The following RGS8 variants were observed in gnomAD, a reference collection of about 807,000 sequenced individuals.
RGS8 encodes regulator of G-protein signaling 8.
In RGS8, 8 loss-of-function variants were observed where a neutral mutation model predicts 21.7. That is an observed-to-expected ratio of 0.37 (90% CI 0.22 to 0.66). RGS8 has a LOEUF of 0.66. Ranked by LOEUF, RGS8 falls within the 30% of genes least tolerant of loss-of-function variation. The probability of loss-of-function intolerance (pLI) is 0.59; values close to 1 mark genes in which losing one functional copy is unlikely to be tolerated. For missense variants in RGS8, 157 were observed against 217.9 expected (o/e 0.72, Z 1.76); for synonymous variants, 80 against 83.6 (o/e 0.96, Z 0.24).
chr1:182,740,573 TA>T, the RGS8 span, among the ~76,000 whole-genome samples: 80 of 87,176 alleles, frequency 9.2e-4, no homozygotes, highest in Non-Finnish European at 9.9e-4. Flanking sequence ...TTTTTTTTTT[TA>T]TTGATCATTC....
At chr1:182,692,153 G>A in the RGS8 span, among the ~76,000 whole-genome samples, 1 of 151,846 alleles carries the variant, frequency 6.6e-6, no homozygotes, top group African/African-American at 2.4e-5. Flanking sequence ...TTACAGGCAC[G>A]TGCCACCACA....
At chr1:182,748,884 T>C in the RGS8 span, among the ~76,000 whole-genome samples, 4 of 152,214 alleles carry the variant, frequency 2.6e-5, 1 homozygote, top group South Asian at 8.3e-4. Context: ...ATATACCTGC[T>C]GGCCATTGTA....
chr1:182,723,915 T>C, the RGS8 span, among the ~76,000 whole-genome samples: 1 of 151,896 alleles, frequency 6.6e-6, no homozygotes, highest in Non-Finnish European at 1.5e-5. Flanking sequence ...AATTTGAAAA[T>C]CGGGCAGCCC....
chr1:182,667,163 A>C (rs971052910), intron 3 of RGS8, among the ~76,000 whole-genome samples, 190 bp from the exon 5 acceptor site: 7 of 152,160 alleles, frequency 4.6e-5, no homozygotes, highest in African/African-American at 1.7e-4. Flanking sequence ...TAGGTACCCT[A>C]ACCGACCCCC....
intron 5 of RGS8, 98 bp downstream of exon 6, chr1:182,665,871 A>G: frequency 9.8e-7 from 1 of 1,017,922 alleles, no homozygotes; most frequent in South Asian, 1.4e-5. Context: ...GGTCTGGAAC[A>G]CCTAGTACAT....
At chr1:182,641,958 A>G (rs1662484444), downstream of RGS8, 1 of 152,220 alleles carries the variant, frequency 6.6e-6, no homozygotes, top group Non-Finnish European at 1.5e-5. Flanking sequence ...GAGCTGCTAC[A>G]AATCTGTTGT....
chr1:182,751,727 T>C, the RGS8 span, among the ~76,000 whole-genome samples: 1 of 152,204 alleles, frequency 6.6e-6, no homozygotes, highest in South Asian at 2.1e-4. Flanking sequence ...CTTTCTCACA[T>C]TCAAAAAGAT....
chr1:182,701,458 C>G, the RGS8 span, among the ~76,000 whole-genome samples: 2 of 152,208 alleles, frequency 1.3e-5, no homozygotes, highest in African/African-American at 2.4e-5. Context: ...TCCCTTGAGT[C>G]ATATCCATGT....
upstream of RGS8, among the ~76,000 whole-genome samples, chr1:182,686,596 T>C (rs1664714615): frequency 6.6e-6 from 1 of 152,168 alleles, no homozygotes; most frequent in Non-Finnish European, 1.5e-5. Context: ...AACTAGTTCT[T>C]AAGGCTAAGG....
chr1:182,658,899 C>T (rs371943344), intron 5 of RGS8, among the ~76,000 whole-genome samples: 2 of 152,138 alleles, frequency 1.3e-5, no homozygotes, highest in South Asian at 2.1e-4. Flanking sequence ...AGAGAGATTA[C>T]GTAGAGAACA....
At chr1:182,647,928 A>C (rs1254008644) in intron 6 of RGS8, among the ~76,000 whole-genome samples, 1 of 152,228 alleles carries the variant, frequency 6.6e-6, no homozygotes, top group Non-Finnish European at 1.5e-5. Flanking sequence ...CTGACAGATA[A>C]CTAAAACACT....
At chr1:182,721,686 G>A in the RGS8 span, among the ~76,000 whole-genome samples, 1 of 152,054 alleles carries the variant, frequency 6.6e-6, no homozygotes, top group African/African-American at 2.4e-5. Flanking sequence ...GTGTAGGGAT[G>A]GCTTCCAGGA....
the RGS8 span, among the ~76,000 whole-genome samples, chr1:182,740,065 G>A: frequency 2.0e-5 from 3 of 152,140 alleles, no homozygotes; most frequent in Admixed American, 2.0e-4. Context: ...ATGGAATTGT[G>A]TACTTGGGGA....
At chr1:182,643,325 C>A (rs989841853), downstream of RGS8, 38 of 103,754 alleles carry the variant, frequency 3.7e-4, 3 homozygotes, top group African/African-American at 1.5e-3. Context: ...CTCCCCCAGC[C>A]CCCCCGCCCC....
chr1:182,683,627 C>CG (rs1491259150), intron 1 of RGS8, among the ~76,000 whole-genome samples: 1 of 60,664 alleles, frequency 1.6e-5, no homozygotes, highest in African/African-American at 5.2e-5. Flanking sequence ...TCCCAGTGCT[C>CG]AAAAAAAAAA....
chr1:182,742,227 C>A, the RGS8 span, among the ~76,000 whole-genome samples: 8 of 149,334 alleles, frequency 5.4e-5, 1 homozygote, highest in African/African-American at 2.0e-4. Flanking sequence ...GGATGGCGGC[C>A]GGGCAGAGAT....
the RGS8 span, among the ~76,000 whole-genome samples, chr1:182,714,951 T>C: frequency 6.6e-6 from 1 of 152,190 alleles, no homozygotes; most frequent in Non-Finnish European, 1.5e-5. Context: ...GCGTTACCCC[T>C]ACGCCATCAA....
upstream of RGS8, chr1:182,672,757 A>T: frequency 6.3e-7 from 1 of 1,594,908 alleles, no homozygotes; most frequent in Non-Finnish European, 8.6e-7. Context: ...GTTCTGCCCG[A>T]TCTGCACATG....
intron 1 of RGS8, 114 bp from the exon 3 acceptor site, chr1:182,671,844 C>T: frequency 6.4e-7 from 1 of 1,557,532 alleles, no homozygotes; most frequent in Non-Finnish European, 8.7e-7. Context: ...GCATGCACAA[C>T]ACACCTCCCA....
Sources: allele counts gnomAD v4.1 joint callset (sites outside exome capture counted in the v4.1 genomes callset), GRCh38; gene constraint gnomAD v4.1.1; transcripts MANE v1.5; gene names NCBI Gene and HGNC (gene_info 2026-07-23, HGNC 2026-07-21).